Variants in CLCN5 observed in about 807,000 individuals in gnomAD.
CLCN5 encodes the protein Cl-/H+ antiporter 5, also known as H(+)/Cl(-) exchange transporter 5.
A neutral mutation model predicts 54.0 loss-of-function variants in CLCN5; 17 were observed. The observed-to-expected ratio is 0.31, with a 90% CI of 0.22 to 0.47. CLCN5 has a LOEUF of 0.47. Ranked by LOEUF, CLCN5 falls within the 20% of genes least tolerant of loss-of-function variation. The pLI is 1.00. For missense variants in CLCN5, 448 were observed against 646.7 expected, an observed-to-expected ratio of 0.69 and a Z score of 3.33; for synonymous variants, 222 against 233.0, an observed-to-expected ratio of 0.95 and a Z score of 0.43.
In CLCN5 at chrX:49,989,510, A is replaced by T. The variant is rs1394295138; in HGVS notation, c.17-52806A>T. Among the ~76,000 whole-genome samples, 4 of 112,414 alleles carry T rather than the reference A, an allele frequency of 3.6e-5. No individual in the cohort carries two copies. The Admixed American group carries it at 3.8e-4, about 11-fold the overall frequency. On this transcript the variant is annotated intron_variant, in intron 3 of 14. Coordinates refer to ENST00000376091, the MANE Select transcript of CLCN5 (RefSeq NM_001127898.4). Reference sequence around the variant, plus strand: ...TAAAAATATGTTTCTCTCCTCCAAAAGATGTGTCTTCTATAATACATAGTA... The same window carrying T: ...TAAAAATATGTTTCTCTCCTCCAAATGATGTGTCTTCTATAATACATAGTA...
intron 3 of CLCN5, among the ~76,000 whole-genome samples, chrX:49,934,691 G>A (rs1557169358): frequency 8.9e-6 from 1 of 111,841 alleles, no homozygotes; most frequent in Non-Finnish European, 1.9e-5. Flanking sequence ...AGAAATAAAT[G>A]CAGGACAGGG....
intron 3 of CLCN5, among the ~76,000 whole-genome samples, chrX:49,955,315 C>G (rs1569537199): frequency 1.8e-5 from 2 of 110,960 alleles, no homozygotes; most frequent in Non-Finnish European, 3.8e-5. Flanking sequence ...CCTTTAAGCT[C>G]CAACCAGAAC....
intron 3 of CLCN5, among the ~76,000 whole-genome samples, chrX:50,006,557 C>T (rs1930157054): frequency 8.9e-6 from 1 of 111,837 alleles, no homozygotes. Context: ...CATTCCCATT[C>T]AGCCTGCCTT....
chrX:50,086,791 G>A lies in CLCN5; in HGVS notation c.1478G>A (p.Gly493Glu), dbSNP rs782079802. Residue 493 changes from glycine (G) to glutamate (E), a missense_variant, in exon 11 of 15, where the codon GGA becomes GAA. Gly to Glu is a moderately conservative substitution (Grantham distance 98). Coordinates refer to ENST00000376091, the MANE Select transcript of CLCN5 (RefSeq NM_001127898.4). ...CTGCCTGACAGACCGGCTGGCGTGGGAGTCTACAGTGCAATGTGGCAGCTG... is the reference window on the plus strand; with the variant it reads ...CTGCCTGACAGACCGGCTGGCGTGGAAGTCTACAGTGCAATGTGGCAGCTG... ...GELPDRPAGV[G>E]VYSAMWQLAL... 8.3e-7 allele frequency: 1 copy of A among 1,211,225 alleles called. No individual in the cohort carries two copies. Among genetic ancestry groups the A allele is most frequent in the Admixed American group, 2.2e-5 (1 of 45,975 alleles).
At chrX:50,047,387 A>C (rs1231436848) in intron 4 of CLCN5, among the ~76,000 whole-genome samples, 2 of 111,688 alleles carry the variant, frequency 1.8e-5, no homozygotes, top group African/African-American at 6.5e-5. Flanking sequence ...CTTAAAAAAA[A>C]AGTGGCCCAT....
At chrX:50,078,825 T>G (rs192354256) in intron 7 of CLCN5, among the ~76,000 whole-genome samples, 4,200 of 111,684 alleles carry the variant, frequency 0.038, 207 homozygotes, top group African/African-American at 0.13. Flanking sequence ...TTTTGGTTTT[T>G]GTTTGTTTGT....
In CLCN5 at chrX:49,994,371, A is replaced by G. The variant is rs781789246; in HGVS notation, c.17-47945A>G. On this transcript the variant is annotated intron_variant, in intron 3 of 14. Coordinates refer to ENST00000376091, the MANE Select transcript of CLCN5 (RefSeq NM_001127898.4). ...GAGTGGTGGTGGGGGGCTAGCCACAATAGGAACCTTGAGGAAGGAAGAAGT... is the reference window on the plus strand; with the variant it reads ...GAGTGGTGGTGGGGGGCTAGCCACAGTAGGAACCTTGAGGAAGGAAGAAGT... 2.8e-3 allele frequency among the ~76,000 whole-genome samples: 313 copies of G among 110,848 alleles called. 1 individual carries two copies. The highest frequency in any genetic ancestry group is 9.7e-3 in the African/African-American group (297 of 30,469).
At chrX:49,936,545 G>A (rs1925994311) in intron 3 of CLCN5, among the ~76,000 whole-genome samples, 1 of 111,879 alleles carries the variant, frequency 8.9e-6, no homozygotes, top group Non-Finnish European at 1.9e-5. Flanking sequence ...ACCAATTATG[G>A]CACTTGGTTT....
At chrX:50,069,736 T>C in intron 4 of CLCN5, 143 bp from the exon 5 acceptor site, 2 of 1,064,933 alleles carry the variant, frequency 1.9e-6, no homozygotes, top group Non-Finnish European at 2.4e-6. Flanking sequence ...TAATGGATGT[T>C]CCTACCAGGT....
chrX:49,934,572 A>G (rs1220772339), intron 3 of CLCN5, among the ~76,000 whole-genome samples: 4 of 111,710 alleles, frequency 3.6e-5, no homozygotes, highest in Non-Finnish European at 7.5e-5. Flanking sequence ...TTTCAACCCA[A>G]TACCATTCTG....
At chrX:49,970,966 T>C (rs1027848136) in intron 3 of CLCN5, among the ~76,000 whole-genome samples, 3 of 111,068 alleles carry the variant, frequency 2.7e-5, no homozygotes, top group Non-Finnish European at 5.7e-5. Context: ...TTTAGGTCTT[T>C]AATTTCTTTT....
At chrX:50,032,277 T>C (rs1214851430) in intron 3 of CLCN5, among the ~76,000 whole-genome samples, 1 of 111,833 alleles carries the variant, frequency 8.9e-6, no homozygotes, top group Non-Finnish European at 1.9e-5. Context: ...TCGTTCTAGA[T>C]TCCTGAGGAA....
intron 3 of CLCN5, among the ~76,000 whole-genome samples, chrX:50,016,305 C>A (rs1930788167): frequency 9.0e-6 from 1 of 111,669 alleles, no homozygotes; most frequent in Non-Finnish European, 1.9e-5. Context: ...TGATTTTTAG[C>A]ATCAAAATTT....
chrX:49,958,631 A>AT lies in CLCN5; in HGVS notation c.16+33324dup, dbSNP rs1277985740. The stretch of plus-strand genomic sequence containing the variant: ...AGCCAAATTTTTCTAGTCTGCTATG[A>AT]TTTTTTTCAGAGATTACCAGCAGTG... On this transcript the variant is annotated intron_variant, in intron 3 of 14. Transcript: ENST00000376091. 3.6e-5 allele frequency among the ~76,000 whole-genome samples: 4 copies of AT among 111,226 alleles called. No homozygotes were observed. The East Asian group carries it at 1.1e-3, about 31-fold the overall frequency.
At chrX:49,937,320 T>A (rs1250079052) in intron 3 of CLCN5, among the ~76,000 whole-genome samples, 2 of 112,022 alleles carry the variant, frequency 1.8e-5, no homozygotes, top group African/African-American at 6.5e-5. Context: ...GGGATTTTAG[T>A]TTTCACTTGA....
rs1195864513 is a variant in CLCN5 at position 50,093,029 on chromosome X, A to C, written c.*810A>C. 3 of 112,297 alleles carry C rather than the reference A, an allele frequency of 2.7e-5. No individual in the cohort carries two copies. The highest frequency in any genetic ancestry group is 9.7e-5 in the African/African-American group (3 of 30,880). 9.3% of individuals were successfully genotyped at this position (112,297 alleles called of 1,213,427 possible). ...GTGAATTTGTTAGTAGCAAGGAATG[A>C]TTTCTTCCAGCTTCCTTGAAATGAA... On this transcript the variant is annotated 3_prime_UTR_variant, in exon 15 of 15. Coordinates refer to ENST00000376091, the MANE Select transcript of CLCN5 (RefSeq NM_001127898.4).
At chrX:50,064,266 G>A (rs1354172614) in intron 4 of CLCN5, among the ~76,000 whole-genome samples, 6 of 109,938 alleles carry the variant, frequency 5.5e-5, no homozygotes, top group African/African-American at 1.7e-4. Context: ...AAACCCCGTC[G>A]TCTCAGCCCA....
chrX:49,922,697 G>C lies in CLCN5; in HGVS notation c.-300G>C, dbSNP rs1262592773. 8.8e-6 allele frequency: 1 copy of C among 113,170 alleles called. No homozygotes were observed. The highest frequency in any genetic ancestry group is 9.2e-5 in the Admixed American group (1 of 10,899). The allele number at this position is 113,170 out of a possible 1,213,427, so 9.3% of individuals were successfully genotyped here. ...TGAAGCTCTGCCGGCTACGTGGGGC[G>C]CTCACTCAACTTGGTGTCCTGGACG... is the stretch of plus-strand genomic sequence containing the variant. On this transcript the variant is annotated 5_prime_UTR_variant, in exon 1 of 15. Transcript: ENST00000376091.
In CLCN5 at chrX:50,076,008, C is replaced by G. The variant is rs781822935; in HGVS notation, c.603+26C>G. The G allele has an allele frequency of 3.5e-6, 4 of 1,157,191 alleles. No individual in the cohort carries two copies. The African/African-American group carries it at 7.1e-5, about 21-fold the overall frequency. The stretch of plus-strand genomic sequence containing the variant: ...GTAACATGTAGTGATGTTTTATGAG[C>G]CATTGACTTTTCTTCTTACATTTAT... On this transcript the variant is annotated intron_variant, in intron 7 of 14. Transcript: ENST00000376091.
Sources: allele counts gnomAD v4.1 joint callset (sites outside exome capture counted in the v4.1 genomes callset), GRCh38; gene constraint gnomAD v4.1.1; transcripts MANE v1.5; gene names NCBI Gene and HGNC (gene_info 2026-07-23, HGNC 2026-07-21).